The following ASIC2 variants were observed in gnomAD, a reference collection of about 807,000 sequenced individuals.
ASIC2 encodes the protein acid sensing ion channel subunit 2, also known as acid-sensing ion channel 2.
A neutral mutation model predicts 57.3 loss-of-function variants in ASIC2; 25 were observed. The observed-to-expected ratio is 0.44, with a 90% confidence interval of 0.32 to 0.61. The LOEUF (loss-of-function observed/expected upper bound fraction) is 0.61. ASIC2 is among the 20% of genes least tolerant of loss of function. The pLI, the probability that ASIC2 is intolerant of heterozygous loss-of-function variation, is 0.06. For missense variants in ASIC2, 641 were observed against 738.1 expected, an observed-to-expected ratio of 0.87 and a Z score of 1.52; for synonymous variants, 319 against 307.5, an observed-to-expected ratio of 1.04 and a Z score of -0.39.
chr17:33,779,476 G>A (rs550129901), intron 1 of ASIC2, among the ~76,000 whole-genome samples: 22 of 152,288 alleles, frequency 1.4e-4, no homozygotes, highest in Middle Eastern at 3.4e-3. Flanking sequence ...AGCTTAATCA[G>A]TTCAGTTAGA....
At chr17:33,647,273 C>T (rs185525553) in intron 1 of ASIC2, among the ~76,000 whole-genome samples, 115 of 152,276 alleles carry the variant, frequency 7.6e-4, no homozygotes, top group African/African-American at 2.5e-3. Context: ...GTCAAGGATC[C>T]AGCCCACTCC....
intron 1 of ASIC2, among the ~76,000 whole-genome samples, chr17:33,800,476 A>T (rs956740416): frequency 7.2e-5 from 11 of 152,204 alleles, no homozygotes; most frequent in Admixed American, 3.9e-4. Context: ...ACCCTACAGA[A>T]GAGATGAGAA....
intron 1 of ASIC2, among the ~76,000 whole-genome samples, chr17:33,855,339 T>C (rs1913893613): frequency 6.6e-6 from 1 of 152,158 alleles, no homozygotes; most frequent in Non-Finnish European, 1.5e-5. Flanking sequence ...CACACAGAGT[T>C]GGACGCAATT....
upstream of ASIC2, among the ~76,000 whole-genome samples, chr17:33,295,295 C>T (rs964010945): frequency 2.0e-5 from 3 of 152,266 alleles, no homozygotes; most frequent in African/African-American, 4.8e-5. Flanking sequence ...CCTCAAGGGG[C>T]CTTGACACAG....
chr17:33,932,414 AG>A (rs1915950359), intron 1 of ASIC2, among the ~76,000 whole-genome samples: 1 of 152,120 alleles, frequency 6.6e-6, no homozygotes, highest in South Asian at 2.1e-4. Context: ...AATAAAATAT[AG>A]TATAAAAGCC....
At chr17:33,329,553 A>T (rs1907220827) in intron 1 of ASIC2, among the ~76,000 whole-genome samples, 1 of 152,216 alleles carries the variant, frequency 6.6e-6, no homozygotes, top group Non-Finnish European at 1.5e-5. Context: ...GTCATCACAC[A>T]GCCAAGATAT....
At chr17:33,264,565 T>C (rs1236892824) in intron 1 of ASIC2, among the ~76,000 whole-genome samples, 1 of 152,200 alleles carries the variant, frequency 6.6e-6, no homozygotes, top group Non-Finnish European at 1.5e-5. Flanking sequence ...CGTGCATCTC[T>C]CACAATGTAA....
At chr17:34,147,646 T>C (rs577174994) in intron 1 of ASIC2, among the ~76,000 whole-genome samples, 6 of 152,300 alleles carry the variant, frequency 3.9e-5, no homozygotes, top group Non-Finnish European at 5.9e-5. Context: ...AAATATGATA[T>C]ATGGAGTTTC....
chr17:33,398,211 C>T (rs1910149699), intron 1 of ASIC2, among the ~76,000 whole-genome samples: 1 of 152,106 alleles, frequency 6.6e-6, no homozygotes, highest in South Asian at 2.1e-4. Flanking sequence ...ACAAAAGCTC[C>T]AAGAAGTTAA....
intron 1 of ASIC2, among the ~76,000 whole-genome samples, chr17:33,205,388 G>A (rs1012281179): frequency 5.3e-5 from 8 of 152,158 alleles, no homozygotes; most frequent in South Asian, 2.1e-4. Flanking sequence ...TCTTTGGGAG[G>A]ACAAAAAGGT....
intron 1 of ASIC2, among the ~76,000 whole-genome samples, chr17:33,255,680 T>G (rs116795111): frequency 6.6e-6 from 1 of 152,098 alleles, no homozygotes; most frequent in Non-Finnish European, 1.5e-5. Flanking sequence ...ATTGTAAGCA[T>G]GTGCCACTAT....
chr17:34,024,922 G>A (rs1907318879), intron 1 of ASIC2, among the ~76,000 whole-genome samples: 1 of 152,190 alleles, frequency 6.6e-6, no homozygotes, highest in African/African-American at 2.4e-5. Flanking sequence ...ACCTAATTAA[G>A]AGAAACTCTT....
At chr17:33,119,201 T>G (rs2092292035) in intron 1 of ASIC2, among the ~76,000 whole-genome samples, 1 of 152,200 alleles carries the variant, frequency 6.6e-6, no homozygotes, top group Non-Finnish European at 1.5e-5. Context: ...GGGCTTCTTC[T>G]GGGTGATGGG....
At chr17:33,618,821 G>A (rs952748647) in intron 1 of ASIC2, among the ~76,000 whole-genome samples, 1 of 152,164 alleles carries the variant, frequency 6.6e-6, no homozygotes, top group Admixed American at 6.5e-5. Flanking sequence ...AGCCTCATCT[G>A]TGCTGAGTTA....
At chr17:33,902,956 T>C (rs1915263273) in intron 1 of ASIC2, among the ~76,000 whole-genome samples, 2 of 152,102 alleles carry the variant, frequency 1.3e-5, no homozygotes, top group Admixed American at 1.3e-4. Flanking sequence ...CTGCTTGCAT[T>C]CCCCCTTAGT....
At chr17:33,569,669 A>G (rs1916366162) in intron 1 of ASIC2, among the ~76,000 whole-genome samples, 1 of 151,962 alleles carries the variant, frequency 6.6e-6, no homozygotes. Flanking sequence ...CCACTCATTC[A>G]TATCTTTAGC....
chr17:33,612,579 C>T (rs1378251255), intron 1 of ASIC2, among the ~76,000 whole-genome samples: 2 of 152,176 alleles, frequency 1.3e-5, no homozygotes, highest in African/African-American at 4.8e-5. Context: ...TTCCCAGCCT[C>T]CCCTGCAGTT....
At chr17:33,456,320 A>G (rs1009347495) in intron 1 of ASIC2, among the ~76,000 whole-genome samples, 1 of 152,042 alleles carries the variant, frequency 6.6e-6, no homozygotes, top group Non-Finnish European at 1.5e-5. Context: ...AAAACAGACC[A>G]GCCCCCAATA....
At chr17:33,816,796 C>T (rs1335250711) in intron 1 of ASIC2, 1 of 152,232 alleles carries the variant, frequency 6.6e-6, no homozygotes, top group Non-Finnish European at 1.5e-5. Context: ...CAAATGGAGT[C>T]TCTGCCAGTA....
Sources: gnomAD v4.1 joint callset for allele counts (sites outside exome capture counted in the v4.1 genomes callset) on GRCh38, gnomAD v4.1.1 for gene constraint, MANE v1.5 for transcripts, NCBI Gene and HGNC (gene_info 2026-07-23, HGNC 2026-07-21) for gene names.